The following CAPZA2 variants were observed in gnomAD, a reference collection of about 807,000 sequenced individuals.
The protein encoded by CAPZA2 is capping actin protein of muscle Z-line subunit alpha 2, also known as F-actin-capping protein subunit alpha-2.
In CAPZA2, 13 loss-of-function variants were observed where a neutral mutation model predicts 44.0. The ratio of observed to expected loss-of-function variants is 0.30; its 90% CI spans 0.19 to 0.47. CAPZA2 has a LOEUF of 0.47. CAPZA2 is among the 20% of genes least tolerant of loss of function. The probability of loss-of-function intolerance (pLI) is 1.00; values close to 1 mark genes in which losing one functional copy is unlikely to be tolerated. For missense variants in CAPZA2, 244 were observed against 338.6 expected (o/e 0.72, Z 2.19); for synonymous variants, 94 against 108.2 (o/e 0.87, Z 0.81).
At chr7:116,873,497 T>G (rs1796578056) in intron 1 of CAPZA2, 1 of 152,686 alleles carries the variant, frequency 6.5e-6, no homozygotes, top group Admixed American at 6.5e-5. Context: ...TAAGGAATTG[T>G]TTTCTTCAGA....
chr7:116,883,406 C>T (rs895834185), intron 1 of CAPZA2, among the ~76,000 whole-genome samples: 2 of 152,144 alleles, frequency 1.3e-5, no homozygotes, highest in Non-Finnish European at 2.9e-5. Context: ...ACAATATCTT[C>T]TTAGGAAAAC....
intron 2 of CAPZA2, among the ~76,000 whole-genome samples, chr7:116,892,061 A>G (rs1235081466): frequency 6.6e-6 from 1 of 152,222 alleles, no homozygotes; most frequent in East Asian, 1.9e-4. Context: ...ATGATAATAT[A>G]CATACTAAAT....
At chr7:116,885,257 T>TGTTG (rs1554409237) in intron 1 of CAPZA2, among the ~76,000 whole-genome samples, 14 of 152,198 alleles carry the variant, frequency 9.2e-5, no homozygotes, top group African/African-American at 3.4e-4. Flanking sequence ...TAGTTTTTTT[T>TGTTG]TTGTTGTTGT....
intron 3 of CAPZA2, among the ~76,000 whole-genome samples, chr7:116,894,654 A>G (rs1585009407): frequency 2.0e-5 from 3 of 152,212 alleles, no homozygotes. Context: ...TACTTTTTTC[A>G]TCTTTTTAAG....
At chr7:116,891,715 G>T (rs900065131) in intron 2 of CAPZA2, among the ~76,000 whole-genome samples, 2 of 152,146 alleles carry the variant, frequency 1.3e-5, no homozygotes, top group Non-Finnish European at 2.9e-5. Context: ...GTTTCACCGT[G>T]TTAGCCAGGA....
intron 7 of CAPZA2, 109 bp downstream of exon 7, chr7:116,910,420 C>T (rs1791575619): frequency 3.2e-6 from 2 of 632,938 alleles, no homozygotes; most frequent in Admixed American, 2.8e-5. Flanking sequence ...TTTTTCAGGT[C>T]TTTGTTTTGG....
chr7:116,888,121 T>C lies in CAPZA2; in HGVS notation c.40-6T>C. ...TGGAACATTTATATCTTTCTTTCTG[T>C]TTCAGGTGCGTATAGCAGCAAAATT... On this transcript the variant is annotated splice_polypyrimidine_tract_variant and splice_region_variant and intron_variant, in intron 1 of 9. Coordinates refer to ENST00000361183, the MANE Select transcript of CAPZA2 (RefSeq NM_006136.3). 1 of 1,603,392 alleles carries C rather than the reference T, an allele frequency of 6.2e-7. No homozygotes were observed. The highest frequency in any genetic ancestry group is 8.5e-7 in the Non-Finnish European group (1 of 1,172,844).
rs1262030025 is a variant in CAPZA2, at chr7:116,904,291, G to A, written c.334G>A (p.Glu112Lys). The change falls in exon 5 of 10, where the codon GAA (glutamate) becomes AAA (lysine). Residue 112 changes from glutamate (E) to lysine (K), a missense_variant. By Grantham distance (56) the Glu-to-Lys change is moderately conservative. Coordinates refer to ENST00000361183, the MANE Select transcript of CAPZA2 (RefSeq NM_006136.3). The stretch of plus-strand genomic sequence containing the variant: ...GGAGGCAACTGATCCAAGACCCTGT[G>A]AAGTAGAAAATGCAGTTGAATCATG... ...RKEATDPRPC[E>K]VENAVESWRT... 6.2e-7 allele frequency: 1 copy of A among 1,613,104 alleles called. No individual in the cohort carries two copies. Among genetic ancestry groups the A allele is most frequent in the Non-Finnish European group, 8.5e-7 (1 of 1,179,226 alleles).
At chr7:116,911,287 T>C (rs776076366) in intron 7 of CAPZA2, among the ~76,000 whole-genome samples, 7 of 152,196 alleles carry the variant, frequency 4.6e-5, no homozygotes, top group Non-Finnish European at 1.0e-4. Flanking sequence ...TGGTGGACTC[T>C]TTGACATTCA....
At chr7:116,896,442 T>A (rs1251262463) in intron 3 of CAPZA2, among the ~76,000 whole-genome samples, 2 of 152,122 alleles carry the variant, frequency 1.3e-5, no homozygotes, top group East Asian at 1.9e-4. Flanking sequence ...ACATGTTTAA[T>A]ATTAGACCAA....
At chr7:116,888,399 T>A in intron 2 of CAPZA2, 1 of 422,092 alleles carries the variant, frequency 2.4e-6, no homozygotes, top group Non-Finnish European at 4.2e-6. Flanking sequence ...TTAACCCTTT[T>A]AAAGCCTGAA....
rs754031412 is a variant in CAPZA2, at chr7:116,872,636, T to G, written c.39+9986T>G. Among the ~76,000 whole-genome samples, 66 of 152,118 alleles carry G rather than the reference T, an allele frequency of 4.3e-4. 1 individual carries two copies. The highest frequency in any genetic ancestry group is 8.4e-4 in the Non-Finnish European group (57 of 68,012). On this transcript the variant is annotated intron_variant, in intron 1 of 9. Transcript: ENST00000361183. ...AATGTCATAAAGTTCAAAAAAGTGG[T>G]TTTTTCCTCCGGTTTTACCTCTAAT...
At chr7:116,881,720 C>T (rs538735667) in intron 1 of CAPZA2, among the ~76,000 whole-genome samples, 35 of 121,598 alleles carry the variant, frequency 2.9e-4, no homozygotes, top group African/African-American at 1.1e-3. Context: ...GCCTGGGCAG[C>T]AGAGTGAGAC....
chr7:116,870,185 T>C (rs41796), intron 1 of CAPZA2, among the ~76,000 whole-genome samples: 146,747 of 152,288 alleles, frequency 0.96, 70,740 homozygotes, highest in East Asian at 1. Context: ...AAGGTAGATA[T>C]AATGCAAAAC....
At chr7:116,876,095 C>G (rs1796617381) in intron 1 of CAPZA2, 1 of 152,070 alleles carries the variant, frequency 6.6e-6, no homozygotes, top group Non-Finnish European at 1.5e-5. Context: ...ACTAAAAATA[C>G]AAAAATTAGC....
chr7:116,897,826 G>A (rs1796947605), intron 3 of CAPZA2, among the ~76,000 whole-genome samples: 2 of 151,972 alleles, frequency 1.3e-5, no homozygotes, highest in East Asian at 3.9e-4. Context: ...CACACTCTGC[G>A]GTTTTTAACC....
chr7:116,902,952 A>C (rs1463520348), intron 4 of CAPZA2, among the ~76,000 whole-genome samples: 1 of 152,128 alleles, frequency 6.6e-6, no homozygotes, highest in East Asian at 1.9e-4. Flanking sequence ...AGCTGAAGCT[A>C]TCCTGCCCCC....
chr7:116,893,328 A>G (rs1796876052), intron 3 of CAPZA2, among the ~76,000 whole-genome samples: 1 of 151,992 alleles, frequency 6.6e-6, no homozygotes, highest in South Asian at 2.1e-4. Context: ...ATGGGGTTTT[A>G]CCTTATTGGC....
At chr7:116,908,125 G>T (rs1346470940) in intron 6 of CAPZA2, among the ~76,000 whole-genome samples, 4 of 151,876 alleles carry the variant, frequency 2.6e-5, no homozygotes, top group Non-Finnish European at 5.9e-5. Flanking sequence ...GCCAGGCATG[G>T]TGGTGCGTGC....
Sources: allele counts gnomAD v4.1 joint callset (sites outside exome capture counted in the v4.1 genomes callset), GRCh38; gene constraint gnomAD v4.1.1; transcripts MANE v1.5; gene names NCBI Gene and HGNC (gene_info 2026-07-23, HGNC 2026-07-21).